Variants in TTLL5 observed in about 807,000 individuals in gnomAD.
The protein encoded by TTLL5 is tubulin tyrosine ligase like 5, also known as tubulin polyglutamylase TTLL5.
In TTLL5, 132 loss-of-function variants were observed where a neutral mutation model predicts 168.4. The ratio of observed to expected loss-of-function variants is 0.78; its 90% CI spans 0.68 to 0.91. TTLL5 has a LOEUF of 0.91. TTLL5 is among the 40% of genes least tolerant of loss of function. The pLI is 0.00. For missense variants in TTLL5, 1,545 were observed against 1,581.5 expected, an observed-to-expected ratio of 0.98 and a Z score of 0.39; for synonymous variants, 546 against 558.6, an observed-to-expected ratio of 0.98 and a Z score of 0.32.
intron 31 of TTLL5, among the ~76,000 whole-genome samples, chr14:75,948,374 AC>A (rs1048758105): frequency 9.2e-5 from 14 of 151,918 alleles, no homozygotes; most frequent in Non-Finnish European, 2.1e-4. Flanking sequence ...AAGCCTAGCT[AC>A]TCGGGAGGCT....
At chr14:75,861,685 T>C (rs2030017977) in intron 28 of TTLL5, among the ~76,000 whole-genome samples, 1 of 152,210 alleles carries the variant, frequency 6.6e-6, no homozygotes, top group South Asian at 2.1e-4. Context: ...GAAAGTCTTA[T>C]GTTTCTTCTA....
chr14:75,866,075 A>G (rs1380213200), intron 29 of TTLL5, among the ~76,000 whole-genome samples: 1 of 152,254 alleles, frequency 6.6e-6, no homozygotes, highest in African/African-American at 2.4e-5. Flanking sequence ...ATTAGCTTCA[A>G]GAGTTTATAA....
At chr14:75,748,718 A>AT (rs1889762467) in intron 17 of TTLL5, among the ~76,000 whole-genome samples, 1 of 152,254 alleles carries the variant, frequency 6.6e-6, no homozygotes. Context: ...TATGTAAACT[A>AT]TCAGCAATGC....
chr14:75,846,025 T>G (rs1896525352), intron 28 of TTLL5, among the ~76,000 whole-genome samples: 1 of 152,232 alleles, frequency 6.6e-6, no homozygotes. Flanking sequence ...ACAAATATCT[T>G]TACCCTAGTC....
At chr14:75,718,616 G>A (rs1887626118) in intron 10 of TTLL5, among the ~76,000 whole-genome samples, 1 of 151,984 alleles carries the variant, frequency 6.6e-6, no homozygotes, top group South Asian at 2.1e-4. Context: ...TCTTCTTTGT[G>A]CCATTATGTA....
intron 28 of TTLL5, among the ~76,000 whole-genome samples, chr14:75,863,268 G>A (rs1188325344): frequency 1.3e-5 from 2 of 152,092 alleles, no homozygotes; most frequent in Admixed American, 1.3e-4. Context: ...TGAAGTTGAT[G>A]TTAGAGAAAA....
intron 31 of TTLL5, among the ~76,000 whole-genome samples, chr14:75,936,196 A>C (rs1476972583): frequency 6.6e-6 from 1 of 152,096 alleles, no homozygotes; most frequent in Non-Finnish European, 1.5e-5. Context: ...ATACTTCTTA[A>C]ACTGCCATGT....
chr14:75,728,183 C>A (rs1000872041), intron 12 of TTLL5, among the ~76,000 whole-genome samples: 19 of 151,910 alleles, frequency 1.3e-4, no homozygotes, highest in African/African-American at 4.6e-4. Context: ...TGGTAAAACC[C>A]CATCTCTACT....
At chr14:75,710,238 C>A (rs1886971680) in intron 9 of TTLL5, 1 of 152,080 alleles carries the variant, frequency 6.6e-6, no homozygotes. Flanking sequence ...AATTTTAAGA[C>A]CTTTCTGGTT....
intron 30 of TTLL5, among the ~76,000 whole-genome samples, chr14:75,889,582 T>C (rs2032287239): frequency 6.6e-6 from 1 of 152,078 alleles, no homozygotes; most frequent in Non-Finnish European, 1.5e-5. Context: ...TCCCAGCACT[T>C]TGGAAGGCCG....
intron 30 of TTLL5, among the ~76,000 whole-genome samples, chr14:75,900,615 A>G (rs377426746): frequency 6.6e-6 from 1 of 151,896 alleles, no homozygotes; most frequent in East Asian, 1.9e-4. Flanking sequence ...GACTGTCCCC[A>G]CCCCTATCCT....
chr14:75,785,990 T>A (rs1892341552), intron 26 of TTLL5, among the ~76,000 whole-genome samples: 1 of 152,196 alleles, frequency 6.6e-6, no homozygotes, highest in South Asian at 2.1e-4. Flanking sequence ...TAAACACTAG[T>A]AATAGCTATG....
Position 75,879,944 on chromosome 14 carries a change from T to C in TTLL5, c.3523-2741T>C, listed in dbSNP as rs186898595. On this transcript the variant is annotated intron_variant, in intron 29 of 31. Coordinates refer to ENST00000298832, the MANE Select transcript of TTLL5 (RefSeq NM_015072.5). Reference sequence around the variant, plus strand: ...TTAAATGTTACTGGAACTAGACTTCTTTTGTCTTTTAAATAATTAGTTTAT... The same window carrying C: ...TTAAATGTTACTGGAACTAGACTTCCTTTGTCTTTTAAATAATTAGTTTAT... Among the ~76,000 whole-genome samples, 448 of 152,364 alleles carry C rather than the reference T, an allele frequency of 2.9e-3. 2 individuals are homozygous for C. Among genetic ancestry groups the C allele is most frequent in the South Asian group, 0.022 (104 of 4,830 alleles).
Position 75,708,989 on chromosome 14 carries a change from CATA to C in TTLL5, c.740+1286_740+1288del, listed in dbSNP as rs1455798534. 2.6e-5 allele frequency among the ~76,000 whole-genome samples: 4 copies of C among 152,118 alleles called. No individual in the cohort carries two copies. In the East Asian group the frequency reaches 7.7e-4, roughly 29 times the overall value. On this transcript the variant is annotated intron_variant, in intron 9 of 31. Coordinates refer to ENST00000298832, the MANE Select transcript of TTLL5 (RefSeq NM_015072.5). ...AGCTTAAAAAAAATTGCAAAAAACT[CATA>C]ATATTTTGAGAAACTTTATAAATTT... is the stretch of plus-strand genomic sequence containing the variant.
intron 12 of TTLL5, among the ~76,000 whole-genome samples, chr14:75,725,162 G>T (rs887525817): frequency 4.6e-5 from 7 of 152,202 alleles, no homozygotes; most frequent in African/African-American, 1.7e-4. Context: ...TTGGTTTTCT[G>T]TTGCTGCCAT....
intron 27 of TTLL5, among the ~76,000 whole-genome samples, chr14:75,803,419 AG>A (rs1472009400): frequency 6.6e-6 from 1 of 152,234 alleles, no homozygotes; most frequent in Non-Finnish European, 1.5e-5. Flanking sequence ...CTTTGTTTAT[AG>A]CCTAAAACAC....
At chr14:75,722,669 G>A (rs1887915906) in intron 12 of TTLL5, among the ~76,000 whole-genome samples, 1 of 151,554 alleles carries the variant, frequency 6.6e-6, no homozygotes, top group Non-Finnish European at 1.5e-5. Flanking sequence ...TTGTATTAGA[G>A]ACAGGGTCTC....
At chr14:75,883,722 G>C (rs2031944433) in intron 30 of TTLL5, among the ~76,000 whole-genome samples, 1 of 152,172 alleles carries the variant, frequency 6.6e-6, no homozygotes, top group Non-Finnish European at 1.5e-5. Context: ...TTATATTGCT[G>C]CCATTATTCA....
chr14:75,786,317 T>A (rs1645793827), intron 26 of TTLL5, among the ~76,000 whole-genome samples: 1 of 152,226 alleles, frequency 6.6e-6, no homozygotes, highest in African/African-American at 2.4e-5. Context: ...ATAAAAACTT[T>A]TTCAAAACCC....
Sources: allele counts gnomAD v4.1 joint callset (sites outside exome capture counted in the v4.1 genomes callset), GRCh38; gene constraint gnomAD v4.1.1; transcripts MANE v1.5; gene names NCBI Gene and HGNC (gene_info 2026-07-23, HGNC 2026-07-21).